The following RHOBTB1 variants were observed in gnomAD, a reference collection of about 807,000 sequenced individuals.
RHOBTB1 encodes the protein rho-related BTB domain-containing protein 1.
RHOBTB1 carries 40 observed loss-of-function variants against 71.6 expected under a neutral mutation model. The observed-to-expected ratio is 0.56, with a 90% CI of 0.43 to 0.73. RHOBTB1 has a LOEUF of 0.73. Ranked by LOEUF, RHOBTB1 falls within the 30% of genes least tolerant of loss-of-function variation. The pLI is 0.00. For missense variants in RHOBTB1, 797 were observed against 894.0 expected (o/e 0.89, Z 1.38); for synonymous variants, 319 against 334.9 (o/e 0.95, Z 0.52).
intron 2 of RHOBTB1, among the ~76,000 whole-genome samples, chr10:60,917,292 C>T (rs1366514929): frequency 6.6e-6 from 1 of 152,144 alleles, no homozygotes; most frequent in African/African-American, 2.4e-5. Flanking sequence ...AAATTCTATT[C>T]ATTCTTTAAA....
At chr10:60,988,665 A>G (rs1332674070) in intron 1 of RHOBTB1, among the ~76,000 whole-genome samples, 3 of 152,192 alleles carry the variant, frequency 2.0e-5, no homozygotes, top group East Asian at 1.9e-4. Flanking sequence ...AAAGTATTCC[A>G]TGGTGTATGT....
At chr10:60,945,913 CTCACGCCT>C (rs1461517502), upstream of RHOBTB1, among the ~76,000 whole-genome samples, 1 of 152,148 alleles carries the variant, frequency 6.6e-6, no homozygotes, top group East Asian at 1.9e-4. Context: ...AGGCGGGTGG[CTCACGCCT>C]GTAATCCTAG....
At chr10:60,998,133 T>G (rs1455249701) in intron 1 of RHOBTB1, among the ~76,000 whole-genome samples, 1 of 152,244 alleles carries the variant, frequency 6.6e-6, no homozygotes, top group African/African-American at 2.4e-5. Flanking sequence ...CCTGTGTGTC[T>G]GAGGGCGGCC....
At chr10:60,966,228 T>C (rs2085952449) in intron 2 of RHOBTB1, among the ~76,000 whole-genome samples, 1 of 152,080 alleles carries the variant, frequency 6.6e-6, no homozygotes, top group Non-Finnish European at 1.5e-5. Context: ...TAATTTCTTT[T>C]CAAGTTTATC....
At chr10:60,979,112 G>A (rs753764783) in intron 2 of RHOBTB1, among the ~76,000 whole-genome samples, 3 of 152,140 alleles carry the variant, frequency 2.0e-5, no homozygotes. Flanking sequence ...TAATATTTAT[G>A]CTAGGAACAT....
chr10:60,977,493 A>G (rs2086354459), intron 2 of RHOBTB1, among the ~76,000 whole-genome samples: 3 of 152,158 alleles, frequency 2.0e-5, no homozygotes, highest in Non-Finnish European at 4.4e-5. Context: ...AGACCAAAAA[A>G]GATGTCTCAT....
intron 2 of RHOBTB1, among the ~76,000 whole-genome samples, chr10:60,976,643 G>A (rs374397850): frequency 3.3e-5 from 5 of 151,982 alleles, no homozygotes; most frequent in Admixed American, 6.6e-5. Flanking sequence ...CAACAGACCC[G>A]ATAGGAAATC....
chr10:60,921,801 T>G lies in RHOBTB1; in HGVS notation c.-10-10249A>C, dbSNP rs1264945209. On this transcript the variant is annotated intron_variant, in intron 2 of 10. Transcript: ENST00000337910. ...CAGCAGCGTGTGGCTAAGCCTGCAG[T>G]TGGTGAGAGAAACACCTTGAGGGAC... 3.3e-5 allele frequency among the ~76,000 whole-genome samples: 5 copies of G among 152,228 alleles called. No individual in the cohort carries two copies. The South Asian group carries it at 8.3e-4, about 25-fold the overall frequency.
intron 2 of RHOBTB1, among the ~76,000 whole-genome samples, chr10:60,971,944 A>G (rs1167020084): frequency 2.0e-5 from 3 of 152,226 alleles, no homozygotes; most frequent in African/African-American, 7.2e-5. Flanking sequence ...AAAAAAGCTC[A>G]TCAACACTGG....
intron 4 of RHOBTB1, among the ~76,000 whole-genome samples, chr10:60,902,413 T>C (rs1462940480): frequency 6.6e-6 from 1 of 152,194 alleles, no homozygotes. Context: ...GCAAATGGAT[T>C]AAAAAATGTT....
At chr10:60,947,229 C>T (rs139183152), upstream of RHOBTB1, among the ~76,000 whole-genome samples, 3 of 152,288 alleles carry the variant, frequency 2.0e-5, no homozygotes, top group African/African-American at 7.2e-5. Flanking sequence ...AAAATCATTG[C>T]TTGCTGATAG....
intron 2 of RHOBTB1, among the ~76,000 whole-genome samples, chr10:60,917,602 T>C (rs902294385): frequency 2.6e-5 from 4 of 152,148 alleles, no homozygotes; most frequent in Non-Finnish European, 4.4e-5. Flanking sequence ...TCTCTTCCTC[T>C]TCCTAAAAGG....
chr10:60,916,684 A>G (rs2083284585), intron 2 of RHOBTB1, among the ~76,000 whole-genome samples: 1 of 152,136 alleles, frequency 6.6e-6, no homozygotes, highest in Non-Finnish European at 1.5e-5. Flanking sequence ...TGCATTGCAT[A>G]TGTGGTATGC....
chr10:60,921,879 C>A (rs2083584309), intron 2 of RHOBTB1, among the ~76,000 whole-genome samples: 1 of 152,148 alleles, frequency 6.6e-6, no homozygotes, highest in Non-Finnish European at 1.5e-5. Context: ...TTGCACCAAC[C>A]ATTGCTCCCT....
intron 3 of RHOBTB1, 37 bp downstream of exon 3, chr10:60,911,314 T>C (rs372203681): frequency 3.8e-5 from 60 of 1,561,830 alleles, no homozygotes; most frequent in Non-Finnish European, 5.2e-5. Context: ...AGCAATGATG[T>C]GCCCTAGGGA....
chr10:60,915,713 T>C (rs1457683620), intron 2 of RHOBTB1, among the ~76,000 whole-genome samples: 2 of 152,206 alleles, frequency 1.3e-5, no homozygotes, highest in Admixed American at 1.3e-4. Flanking sequence ...AGCGTGATCA[T>C]GCTCTTCATG....
intron 4 of RHOBTB1, among the ~76,000 whole-genome samples, chr10:60,909,764 T>C (rs1394291855): frequency 6.6e-6 from 1 of 152,204 alleles, no homozygotes; most frequent in African/African-American, 2.4e-5. Flanking sequence ...CAAAAGTCCT[T>C]GTTACCAAGG....
chr10:60,926,183 G>A (rs1172893354), intron 2 of RHOBTB1, among the ~76,000 whole-genome samples: 1 of 152,144 alleles, frequency 6.6e-6, no homozygotes, highest in Non-Finnish European at 1.5e-5. Flanking sequence ...GTTGCAGTAA[G>A]CTGAGATCGC....
Position 60,896,332 on chromosome 10 carries a change from G to C in RHOBTB1, c.297-3337C>G, listed in dbSNP as rs528522026. ...AGAGTCAGTTTAAAAATAATTGGGAGTGGTGAGTGTGATGAGGACATTCTC... is the reference window on the plus strand; with the variant it reads ...AGAGTCAGTTTAAAAATAATTGGGACTGGTGAGTGTGATGAGGACATTCTC... On this transcript the variant is annotated intron_variant, in intron 4 of 10. Transcript: ENST00000337910. Among the ~76,000 whole-genome samples the C allele has an allele frequency of 1.4e-3, 212 of 152,336 alleles. 1 individual carries two copies. The highest frequency in any genetic ancestry group is 5.0e-3 in the African/African-American group (206 of 41,580).
Sources: allele counts gnomAD v4.1 joint callset (sites outside exome capture counted in the v4.1 genomes callset), GRCh38; gene constraint gnomAD v4.1.1; transcripts MANE v1.5; gene names NCBI Gene and HGNC (gene_info 2026-07-23, HGNC 2026-07-21).